Variants in NPIPB2 observed in about 807,000 individuals in gnomAD.
NPIPB2 encodes the protein nuclear pore complex interacting protein family member B2, also known as nuclear pore complex-interacting protein family member B2.
NPIPB2 carries 27 observed loss-of-function variants against 30.8 expected under a neutral mutation model. The ratio of observed to expected loss-of-function variants is 0.88; its 90% confidence interval spans 0.65 to 1.21. The LOEUF is 1.21. NPIPB2 is among the 50% of genes most tolerant of loss of function. The pLI, the probability that NPIPB2 is intolerant of heterozygous loss-of-function variation, is 0.00. For synonymous variants in NPIPB2, 147 were observed against 162.0 expected (o/e 0.91, Z 0.70); for missense variants, 440 against 446.2 (o/e 0.99, Z 0.13).
At chr16:11,942,580 G>A (rs996804581), upstream of NPIPB2, among the ~76,000 whole-genome samples, 4 of 152,082 alleles carry the variant, frequency 2.6e-5, no homozygotes, top group African/African-American at 9.7e-5. Flanking sequence ...CAAATGAGGG[G>A]GAGAAAACCA....
intron 1 of NPIPB2, among the ~76,000 whole-genome samples, chr16:11,939,283 C>A (rs1310923386): frequency 6.6e-6 from 1 of 151,560 alleles, no homozygotes; most frequent in South Asian, 2.1e-4. Flanking sequence ...CAAGGTGGGC[C>A]GGGCGTGGTG....
At chr16:11,957,061 A>G (rs560372854) in intron 1 of NPIPB2, among the ~76,000 whole-genome samples, 197 of 151,808 alleles carry the variant, frequency 1.3e-3, no homozygotes, top group African/African-American at 4.5e-3. Flanking sequence ...GTGCGATCTC[A>G]GCTTACTGTA....
At chr16:11,948,640 G>A (rs8056631) in intron 1 of NPIPB2, among the ~76,000 whole-genome samples, 3 of 150,756 alleles carry the variant, frequency 2.0e-5, no homozygotes, top group Non-Finnish European at 3.0e-5. Flanking sequence ...AGTGGCGGGC[G>A]CCTGTAGTCC....
At chr16:11,947,322 T>TTATTTTTA (rs144577397) in intron 1 of NPIPB2, among the ~76,000 whole-genome samples, 1,818 of 119,938 alleles carry the variant, frequency 0.015, 17 homozygotes, top group Middle Eastern at 0.039. Context: ...ATTTATTTAT[T>TTATTTTTA]TATATATATA....
At chr16:11,958,868 G>A (rs2055134384) in intron 1 of NPIPB2, among the ~76,000 whole-genome samples, 1 of 152,246 alleles carries the variant, frequency 6.6e-6, no homozygotes, top group African/African-American at 2.4e-5. Flanking sequence ...GAAGGAATGA[G>A]ACTTTGCACA....
chr16:11,933,143 C>T (rs940568552), intron 4 of NPIPB2, among the ~76,000 whole-genome samples: 4 of 151,738 alleles, frequency 2.6e-5, no homozygotes, highest in Non-Finnish European at 5.9e-5. Flanking sequence ...CACCTGTAAT[C>T]CCAGCTACGT....
intron 1 of NPIPB2, chr16:11,967,432 C>T: frequency 1.2e-6 from 1 of 849,054 alleles, no homozygotes; most frequent in South Asian, 1.8e-5. Flanking sequence ...GCAGCCTGGG[C>T]AACACAGTAA....
chr16:11,946,625 A>C (rs2055013039), upstream of NPIPB2, among the ~76,000 whole-genome samples: 1 of 152,118 alleles, frequency 6.6e-6, no homozygotes. Context: ...AGGATGACTA[A>C]TACTCAAAAA....
intron 1 of NPIPB2, chr16:11,966,254 TTAA>T (rs771412919): frequency 9.9e-6 from 16 of 1,613,996 alleles, no homozygotes; most frequent in East Asian, 2.2e-5. Flanking sequence ...GGGACTGAGC[TTAA>T]TAATTTCTTT....
chr16:11,927,450 C>G (rs745499552), exon 8 of NPIPB2: 1 of 1,093,494 alleles, frequency 9.1e-7, no homozygotes, highest in African/African-American at 2.7e-5. Flanking sequence ...GGTTCCACCT[C>G]AGCGGCCCTC....
chr16:11,967,665 G>T (rs753754677), intron 1 of NPIPB2: 5 of 1,614,202 alleles, frequency 3.1e-6, no homozygotes, highest in Non-Finnish European at 4.2e-6. Context: ...CACGGTGGAA[G>T]AATGCACCTG....
chr16:11,976,625 T>C, exon 1 of NPIPB2: 1 of 381,910 alleles, frequency 2.6e-6, no homozygotes, highest in East Asian at 4.1e-5. Context: ...TCCGGCGACT[T>C]GGATCTGCGC....
At chr16:11,970,000 T>C (rs1034699059) in intron 1 of NPIPB2, among the ~76,000 whole-genome samples, 8 of 151,472 alleles carry the variant, frequency 5.3e-5, no homozygotes, top group African/African-American at 1.5e-4. Context: ...TAGCTGGGAT[T>C]ACAGGTGCCC....
intron 1 of NPIPB2, among the ~76,000 whole-genome samples, chr16:11,953,712 A>ATTTT (rs36103994): frequency 1.7e-4 from 13 of 75,524 alleles, no homozygotes; most frequent in African/African-American, 5.9e-4. Context: ...ATTTACTTTA[A>ATTTT]TTTTTTTTTT....
intron 2 of NPIPB2, among the ~76,000 whole-genome samples, chr16:11,937,094 G>A (rs1252553668): frequency 6.6e-6 from 1 of 151,860 alleles, no homozygotes; most frequent in African/African-American, 2.4e-5. Context: ...TTTTTCAGCT[G>A]GTTCCCATGT....
intron 1 of NPIPB2, among the ~76,000 whole-genome samples, chr16:11,961,817 A>G (rs1205048512): frequency 6.6e-6 from 1 of 151,370 alleles, no homozygotes; most frequent in African/African-American, 2.4e-5. Flanking sequence ...GTTGTATAAT[A>G]TGCTCTATCT....
intron 1 of NPIPB2, among the ~76,000 whole-genome samples, chr16:11,952,397 G>A (rs1388453962): frequency 6.6e-6 from 1 of 151,858 alleles, no homozygotes; most frequent in African/African-American, 2.4e-5. Flanking sequence ...GGAGTCAACA[G>A]TCTATCTTAG....
intron 1 of NPIPB2, among the ~76,000 whole-genome samples, chr16:11,961,662 C>G (rs951593821): frequency 6.6e-6 from 1 of 151,590 alleles, no homozygotes; most frequent in Non-Finnish European, 1.5e-5. Context: ...CACCTGTAAT[C>G]CCAGCTACTA....
intron 1 of NPIPB2, among the ~76,000 whole-genome samples, chr16:11,948,917 T>G (rs972831051): frequency 6.6e-6 from 1 of 152,056 alleles, no homozygotes; most frequent in African/African-American, 2.4e-5. Flanking sequence ...GTGGGTGGAT[T>G]GCTTGAGGCC....
Sources: gnomAD v4.1 joint callset for allele counts (sites outside exome capture counted in the v4.1 genomes callset) on GRCh38, gnomAD v4.1.1 for gene constraint, MANE v1.5 for transcripts, NCBI Gene and HGNC (gene_info 2026-07-23, HGNC 2026-07-21) for gene names.